TRMT2B: variants seen among roughly 807,000 people sequenced by gnomAD.
The protein encoded by TRMT2B is tRNA methyltransferase 2B.
TRMT2B carries 34 observed loss-of-function variants against 39.7 expected under a neutral mutation model. The ratio of observed to expected loss-of-function variants is 0.86; its 90% CI spans 0.65 to 1.14. The LOEUF (loss-of-function observed/expected upper bound fraction) is 1.14. Ranked by LOEUF, TRMT2B falls within the 50% of genes most tolerant of loss-of-function variation. The pLI is 0.00. For missense variants in TRMT2B, 318 were observed against 377.2 expected, an observed-to-expected ratio of 0.84 and a Z score of 1.30; for synonymous variants, 132 against 137.3, an observed-to-expected ratio of 0.96 and a Z score of 0.27.
At chrX:100,978,625 T>G in the TRMT2B span, among the ~76,000 whole-genome samples, 1 of 105,605 alleles carries the variant, frequency 9.5e-6, no homozygotes, top group African/African-American at 3.4e-5. Flanking sequence ...AGATCATGTG[T>G]TTTTTTTTTT....
At chrX:101,012,074 G>A (rs1199369021) in intron 13 of TRMT2B, among the ~76,000 whole-genome samples, 1 of 111,285 alleles carries the variant, frequency 9.0e-6, no homozygotes, top group Non-Finnish European at 1.9e-5. Flanking sequence ...AATAATACAA[G>A]TATAGTATAG....
chrX:100,973,636 G>C, the TRMT2B span: 1 of 1,156,500 alleles, frequency 8.6e-7, no homozygotes, highest in African/African-American at 1.8e-5. Context: ...GTTTATAACA[G>C]GACTTACTTC....
chrX:101,036,555 A>G (rs2087857578), intron 6 of TRMT2B, among the ~76,000 whole-genome samples: 1 of 110,433 alleles, frequency 9.1e-6, no homozygotes, highest in Admixed American at 9.9e-5. Flanking sequence ...CACCTCCCCT[A>G]CCAATTCTTT....
chrX:101,029,021 G>A (rs1979620708), intron 7 of TRMT2B, among the ~76,000 whole-genome samples: 2 of 111,417 alleles, frequency 1.8e-5, no homozygotes, highest in African/African-American at 6.5e-5. Flanking sequence ...CCAGTCTCAG[G>A]AAGTTCTTTA....
chrX:100,984,145 C>T, the TRMT2B span, among the ~76,000 whole-genome samples: 2 of 104,479 alleles, frequency 1.9e-5, no homozygotes, highest in African/African-American at 7.0e-5. Flanking sequence ...TGGAGTTTCA[C>T]TCTTGTCCCC....
At chrX:101,043,381 C>A (rs2088376077) in intron 2 of TRMT2B, among the ~76,000 whole-genome samples, 1 of 111,699 alleles carries the variant, frequency 9.0e-6, no homozygotes, top group African/African-American at 3.2e-5. Context: ...ACCAGCCTGG[C>A]CAACATGGTG....
intron 8 of TRMT2B, 39 bp downstream of exon 8, chrX:101,023,431 A>G: frequency 1.7e-6 from 2 of 1,187,852 alleles, no homozygotes; most frequent in Non-Finnish European, 2.3e-6. Context: ...AGTTAGTAGT[A>G]GTAAAAGTTA....
chrX:100,975,696 G>A, the TRMT2B span, among the ~76,000 whole-genome samples: 8 of 105,828 alleles, frequency 7.6e-5, no homozygotes, highest in Admixed American at 6.2e-4. Context: ...GCAGTGGTGC[G>A]ATCTCAGCTC....
chrX:101,021,096 C>G lies in TRMT2B; in HGVS notation c.1066+5G>C, dbSNP rs1320684236. 2 of 1,209,341 alleles carry G rather than the reference C, an allele frequency of 1.7e-6. No homozygotes were observed. Among genetic ancestry groups the G allele is most frequent in the Non-Finnish European group, 2.2e-6 (2 of 894,150 alleles). Reference sequence around the variant, plus strand: ...ATGCAGATTCTGCCCTGGGCTTCCACTTGCCAGTTCCACAGCAGATGTCAA... The same window carrying G: ...ATGCAGATTCTGCCCTGGGCTTCCAGTTGCCAGTTCCACAGCAGATGTCAA... On this transcript the variant is annotated splice_donor_5th_base_variant and intron_variant, in intron 10 of 13. Transcript: ENST00000372936.
intron 2 of TRMT2B, among the ~76,000 whole-genome samples, chrX:101,045,311 G>A (rs866089295): frequency 1.4e-4 from 15 of 105,527 alleles, no homozygotes; most frequent in South Asian, 1.3e-3. Flanking sequence ...AAAATTAGCC[G>A]CGCATGGTGG....
At position 101,020,577 on chromosome X, in the gene TRMT2B, G is replaced by A; in HGVS notation, c.1078C>T (p.Leu360Phe). The A allele has an allele frequency of 1.7e-6, 2 of 1,201,675 alleles. No individual in the cohort carries two copies. The highest frequency in any genetic ancestry group is 5.9e-5 in the East Asian group (2 of 33,822). ...CGAGATGTATGCTGAGCCAGAGAGA[G>A]GCCAATCACACCTGAAGAAGTAAAC... is the stretch of plus-strand genomic sequence containing the variant. ...DICCGTGVIG[L>F]SLAQHTSRVL... The change falls in exon 11 of 14, where the codon CTC (leucine) becomes TTC (phenylalanine). Residue 360 changes from leucine (L) to phenylalanine (F), a missense_variant. Leu to Phe is a conservative substitution (Grantham distance 22, BLOSUM62 0). Transcript: ENST00000372936.
chrX:101,048,605 A>T, intron 2 of TRMT2B, among the ~76,000 whole-genome samples: 1 of 111,710 alleles, frequency 9.0e-6, no homozygotes. Context: ...CACCCAACTA[A>T]TTTTTGTATT....
chrX:100,988,218 A>G, the TRMT2B span: 1 of 1,208,588 alleles, frequency 8.3e-7, no homozygotes, highest in Non-Finnish European at 1.1e-6. Context: ...AGGAATGTCA[A>G]AGGAGAAAAG....
chrX:101,008,406 G>A (rs2086139233), downstream of TRMT2B, among the ~76,000 whole-genome samples: 1 of 111,682 alleles, frequency 9.0e-6, no homozygotes, highest in African/African-American at 3.3e-5. Flanking sequence ...TGGATCACCT[G>A]AGGTCAAGAG....
chrX:100,998,932 C>T, the TRMT2B span, among the ~76,000 whole-genome samples: 1 of 112,397 alleles, frequency 8.9e-6, no homozygotes, highest in African/African-American at 3.2e-5. Flanking sequence ...TTAAACCTTA[C>T]AGTCTAGTTG....
intron 13 of TRMT2B, among the ~76,000 whole-genome samples, chrX:101,013,190 G>A (rs1019161884): frequency 9.1e-6 from 1 of 110,362 alleles, no homozygotes; most frequent in East Asian, 2.8e-4. Context: ...GTTATTATGC[G>A]ACACAAGACT....
chrX:101,025,526 A>T (rs1301160252), intron 7 of TRMT2B, among the ~76,000 whole-genome samples: 1 of 111,483 alleles, frequency 9.0e-6, no homozygotes, highest in Non-Finnish European at 1.9e-5. Flanking sequence ...TAAAGGGGGG[A>T]ATTATACAAA....
chrX:101,004,594 C>T (rs7063838), downstream of TRMT2B, among the ~76,000 whole-genome samples: 3,859 of 110,835 alleles, frequency 0.035, 192 homozygotes, highest in African/African-American at 0.12. Context: ...CTCCACCTCC[C>T]GGGTTCAAGC....
At chrX:100,980,195 C>T in the TRMT2B span, among the ~76,000 whole-genome samples, 1 of 111,745 alleles carries the variant, frequency 8.9e-6, no homozygotes, top group Non-Finnish European at 1.9e-5. Context: ...GCAGCAGGTT[C>T]CTTTCTGGTC....
Sources: gnomAD v4.1 joint callset for allele counts (sites outside exome capture counted in the v4.1 genomes callset) on GRCh38, gnomAD v4.1.1 for gene constraint, MANE v1.5 for transcripts, NCBI Gene and HGNC (gene_info 2026-07-23, HGNC 2026-07-21) for gene names.